Variants in CERS6 observed in about 807,000 individuals in gnomAD.
CERS6 encodes LAG1 homolog, ceramide synthase 6.
A neutral mutation model predicts 56.8 loss-of-function variants in CERS6; 26 were observed. The observed-to-expected ratio is 0.46, with a 90% confidence interval of 0.34 to 0.63. CERS6 has a LOEUF of 0.63. CERS6 is among the 30% of genes least tolerant of loss of function. The pLI is 0.01. For synonymous variants in CERS6, 164 were observed against 173.3 expected, an observed-to-expected ratio of 0.95 and a Z score of 0.42; for missense variants, 415 against 467.5, an observed-to-expected ratio of 0.89 and a Z score of 1.04.
chr2:168,550,847 C>G (rs571406093), intron 2 of CERS6, among the ~76,000 whole-genome samples: 1 of 152,328 alleles, frequency 6.6e-6, no homozygotes, highest in East Asian at 1.9e-4. Flanking sequence ...AACTCGATCC[C>G]CCACTCTCTG....
At chr2:168,488,306 T>C (rs1168953006) in intron 1 of CERS6, among the ~76,000 whole-genome samples, 1 of 152,158 alleles carries the variant, frequency 6.6e-6, no homozygotes, top group African/African-American at 2.4e-5. Context: ...TATGTTAGCA[T>C]AGAGGAATGA....
intron 3 of CERS6, among the ~76,000 whole-genome samples, chr2:168,620,954 G>T (rs6753641): frequency 0.039 from 5,941 of 151,954 alleles, 304 homozygotes; most frequent in African/African-American, 0.12. Context: ...GCAGAGATGG[G>T]GTCTCAGTAT....
intron 8 of CERS6, among the ~76,000 whole-genome samples, chr2:168,739,992 CG>C (rs1683846565): frequency 1.3e-5 from 2 of 152,044 alleles, no homozygotes; most frequent in African/African-American, 4.8e-5. Context: ...TGAGTCACTG[CG>C]CCCAGCCTGG....
chr2:168,608,110 T>C (rs1684097868), intron 3 of CERS6, among the ~76,000 whole-genome samples: 1 of 152,218 alleles, frequency 6.6e-6, no homozygotes, highest in South Asian at 2.1e-4. Flanking sequence ...TAGATTTGCC[T>C]TTTCAGAACA....
chr2:168,511,772 T>C (rs1457426813), intron 1 of CERS6, among the ~76,000 whole-genome samples: 4 of 152,212 alleles, frequency 2.6e-5, no homozygotes, highest in Non-Finnish European at 5.9e-5. Context: ...CATACAGTTA[T>C]TCATTTTAGT....
At chr2:168,607,835 A>G (rs1234775899) in intron 3 of CERS6, among the ~76,000 whole-genome samples, 3 of 152,196 alleles carry the variant, frequency 2.0e-5, no homozygotes. Context: ...ATTACAAAAT[A>G]CCCTCCCCAT....
In CERS6 at chr2:168,569,456, G is replaced by A. The variant is rs149165131; in HGVS notation, c.407+8134G>A. On this transcript the variant is annotated intron_variant, in intron 3 of 9. Transcript: ENST00000305747. Reference sequence around the variant, plus strand: ...AAATCAGAGGGAAAGTTGCAATGCCGGATGCGTGTGGCTCATAACTGGTGT... The same window carrying A: ...AAATCAGAGGGAAAGTTGCAATGCCAGATGCGTGTGGCTCATAACTGGTGT... Among the ~76,000 whole-genome samples the A allele has an allele frequency of 4.9e-4, 74 of 152,330 alleles. No individual in the cohort carries two copies. The East Asian group carries it at 0.013, about 28-fold the overall frequency.
intron 3 of CERS6, among the ~76,000 whole-genome samples, chr2:168,624,111 T>G (rs936951367): frequency 3.3e-5 from 5 of 152,174 alleles, no homozygotes; most frequent in African/African-American, 1.2e-4. Context: ...ATCGTTGCAT[T>G]CAGTGAGCTG....
At chr2:168,712,677 T>C (rs1200211766) in intron 6 of CERS6, among the ~76,000 whole-genome samples, 1 of 152,212 alleles carries the variant, frequency 6.6e-6, no homozygotes, top group South Asian at 2.1e-4. Flanking sequence ...TTTTACAATC[T>C]GTAATGTTGC....
chr2:168,689,316 G>A (rs1686439157), intron 4 of CERS6, among the ~76,000 whole-genome samples: 1 of 152,044 alleles, frequency 6.6e-6, no homozygotes, highest in East Asian at 1.9e-4. Flanking sequence ...TAAAATAGAT[G>A]TTGCTGTGTT....
intron 1 of CERS6, among the ~76,000 whole-genome samples, chr2:168,491,496 TC>T (rs917101196): frequency 2.0e-5 from 3 of 152,162 alleles, no homozygotes; most frequent in African/African-American, 4.8e-5. Flanking sequence ...TGTTTTTTTT[TC>T]AATAATGAAA....
chr2:168,743,997 T>C (rs1311540968), intron 8 of CERS6, among the ~76,000 whole-genome samples: 1 of 35,654 alleles, frequency 2.8e-5, no homozygotes, highest in Non-Finnish European at 8.8e-5. Flanking sequence ...TTTTTTTTCT[T>C]TTTTTTTTTT....
intron 3 of CERS6, among the ~76,000 whole-genome samples, chr2:168,604,693 C>G (rs921154743): frequency 2.0e-5 from 3 of 152,050 alleles, no homozygotes; most frequent in Admixed American, 1.3e-4. Flanking sequence ...GTGGCACCTC[C>G]CCTCTCTCTC....
intron 8 of CERS6, among the ~76,000 whole-genome samples, chr2:168,738,847 A>G (rs1162745065): frequency 1.3e-5 from 2 of 152,112 alleles, no homozygotes; most frequent in Non-Finnish European, 2.9e-5. Context: ...AGTGGTAAAC[A>G]GCAGTAGAAA....
intron 3 of CERS6, among the ~76,000 whole-genome samples, chr2:168,589,647 ATAATTT>A (rs920271074): frequency 6.6e-6 from 1 of 152,226 alleles, no homozygotes; most frequent in African/African-American, 2.4e-5. Context: ...TTTTTTAAAT[ATAATTT>A]TAAAGAGTTC....
intron 4 of CERS6, among the ~76,000 whole-genome samples, chr2:168,636,105 A>ACC (rs1684854072): frequency 6.6e-6 from 1 of 152,022 alleles, no homozygotes; most frequent in South Asian, 2.1e-4. Context: ...AATGAAAATG[A>ACC]CCCCCATGAA....
chr2:168,485,754 G>A (rs1406261374), intron 1 of CERS6, among the ~76,000 whole-genome samples: 2 of 152,098 alleles, frequency 1.3e-5, no homozygotes, highest in East Asian at 1.9e-4. Flanking sequence ...ATTAAAGGAC[G>A]TCTTGGTTGT....
chr2:168,600,511 C>T (rs1336022311), intron 3 of CERS6, among the ~76,000 whole-genome samples: 5 of 152,216 alleles, frequency 3.3e-5, no homozygotes, highest in Non-Finnish European at 5.9e-5. Flanking sequence ...GCCTGCCATA[C>T]TTCTCTTAAA....
At chr2:168,477,815 G>GA (rs1160208805) in intron 1 of CERS6, among the ~76,000 whole-genome samples, 4 of 152,202 alleles carry the variant, frequency 2.6e-5, no homozygotes, top group Non-Finnish European at 5.9e-5. Context: ...TTGACTGTGT[G>GA]AAAAATGGTA....
Sources: gnomAD v4.1 joint callset for allele counts (sites outside exome capture counted in the v4.1 genomes callset) on GRCh38, gnomAD v4.1.1 for gene constraint, MANE v1.5 for transcripts, NCBI Gene and HGNC (gene_info 2026-07-23, HGNC 2026-07-21) for gene names.